Variants in OPA3 observed in about 807,000 individuals in gnomAD.
OPA3 encodes the protein optic atrophy 3 protein.
Under a neutral mutation model 4.0 loss-of-function variants are expected in OPA3, and 6 were observed. That is an observed-to-expected ratio of 1.51 (90% confidence interval 0.83 to 2.99). The LOEUF is 2.99. OPA3 is among the 30% of genes most tolerant of loss of function. The pLI is 0.00. For synonymous variants in OPA3, 105 were observed against 117.1 expected (o/e 0.90, Z 0.67); for missense variants, 235 against 256.2 (o/e 0.92, Z 0.56).
At chr19:45,573,721 A>T (rs548382247) in intron 1 of OPA3, among the ~76,000 whole-genome samples, 1 of 152,314 alleles carries the variant, frequency 6.6e-6, no homozygotes, top group East Asian at 1.9e-4. Flanking sequence ...CTGAGGGAAC[A>T]TCAGAACTAT....
At chr19:45,570,709 CA>C (rs1258265778) in intron 1 of OPA3, among the ~76,000 whole-genome samples, 4 of 146,240 alleles carry the variant, frequency 2.7e-5, no homozygotes. Flanking sequence ...AAAAACAAAA[CA>C]AAATTAGCCG....
chr19:45,564,326 A>AG (rs1969549842), intron 1 of OPA3, among the ~76,000 whole-genome samples: 2 of 14,050 alleles, frequency 1.4e-4, no homozygotes, highest in African/African-American at 4.3e-4. Context: ...AGAAGGGGAG[A>AG]GGGGGAAAGG....
intron 1 of OPA3, among the ~76,000 whole-genome samples, chr19:45,538,296 C>T (rs1169821755): frequency 1.3e-5 from 2 of 151,984 alleles, no homozygotes; most frequent in Non-Finnish European, 2.9e-5. Flanking sequence ...TGGTGTATGC[C>T]TGTGGTCCCA....
chr19:45,529,794 A>C (rs1180952000), intron 1 of OPA3, among the ~76,000 whole-genome samples: 2 of 152,122 alleles, frequency 1.3e-5, no homozygotes, highest in African/African-American at 2.4e-5. Flanking sequence ...GCAGTGCCGA[A>C]ATCACAGCTT....
In OPA3 at chr19:45,546,373, CAT is replaced by C. The variant is rs1278719189; in HGVS notation, c.*7139_*7140del. On this transcript the variant is annotated 3_prime_UTR_variant, in exon 2 of 2. Transcript: ENST00000263275. ...ATAGATGATGTTATGTTACACATGA[CAT>C]AAAATATATATTTTATATTCCATTA... The C allele has an allele frequency of 1.6e-6, 1 of 634,990 alleles. No individual in the cohort carries two copies. Among genetic ancestry groups the C allele is most frequent in the Non-Finnish European group, 2.0e-6 (1 of 511,100 alleles). The allele number at this position is 634,990 out of a possible 1,614,324, so 39.3% of individuals were successfully genotyped here.
chr19:45,542,672 T>G (rs1007969331), downstream of OPA3, among the ~76,000 whole-genome samples: 56 of 144,754 alleles, frequency 3.9e-4, no homozygotes, highest in Admixed American at 1.6e-3. Flanking sequence ...TTTGTTTTTT[T>G]TTTTTTTTTT....
chr19:45,560,165 C>G (rs779162181), intron 1 of OPA3, among the ~76,000 whole-genome samples: 2 of 152,092 alleles, frequency 1.3e-5, no homozygotes, highest in Admixed American at 6.6e-5. Context: ...TCCCTGAACT[C>G]TCTCCCTCCA....
Position 45,562,349 on chromosome 19 carries a change from AAAAAAAAAAAAAAAG to A in OPA3, c.143-8453_143-8439del, listed in dbSNP as rs1367582531. ...ATACAGTGAGACTCCATCTCAAAAA[AAAAAAAAAAAAAAAG>A]AAAAGAAAAAGGAAAAAGAAATTCC... On this transcript the variant is annotated intron_variant, in intron 1 of 1. Coordinates refer to ENST00000263275, the MANE Select transcript of OPA3 (RefSeq NM_025136.4). 4.3e-5 allele frequency among the ~76,000 whole-genome samples: 6 copies of A among 139,968 alleles called. No individual in the cohort carries two copies. The South Asian group carries it at 7.0e-4, about 16-fold the overall frequency. 91.8% of individuals were successfully genotyped at this position (139,968 alleles called of 152,430 possible).
At chr19:45,559,397 C>CTTTT (rs71338781) in intron 1 of OPA3, among the ~76,000 whole-genome samples, 102 of 59,906 alleles carry the variant, frequency 1.7e-3, no homozygotes, top group Non-Finnish European at 2.0e-3. Context: ...CTTTTTCTTT[C>CTTTT]TTTTTTTTTT....
chr19:45,577,978 G>A (rs910717750), intron 1 of OPA3, among the ~76,000 whole-genome samples: 6 of 152,218 alleles, frequency 3.9e-5, no homozygotes, highest in African/African-American at 7.2e-5. Context: ...GAGGCCAGGC[G>A]TGGTGGCTCA....
downstream of OPA3, among the ~76,000 whole-genome samples, chr19:45,544,290 AC>A (rs1969218994): frequency 6.6e-6 from 1 of 152,114 alleles, no homozygotes; most frequent in Non-Finnish European, 1.5e-5. Flanking sequence ...GGAGGAAACA[AC>A]CCCAACGTTC....
At chr19:45,561,919 T>C (rs1969508543) in intron 1 of OPA3, among the ~76,000 whole-genome samples, 1 of 150,802 alleles carries the variant, frequency 6.6e-6, no homozygotes, top group Non-Finnish European at 1.5e-5. Flanking sequence ...CACTCCAGCC[T>C]GGGCAACAGA....
At chr19:45,541,754 A>G (rs1159828316), downstream of OPA3, among the ~76,000 whole-genome samples, 3 of 152,098 alleles carry the variant, frequency 2.0e-5, no homozygotes, top group East Asian at 5.8e-4. Flanking sequence ...TTATAGAAAC[A>G]GGGTCTCACT....
intron 1 of OPA3, among the ~76,000 whole-genome samples, chr19:45,569,731 T>G (rs992276723): frequency 3.3e-5 from 5 of 151,820 alleles, no homozygotes; most frequent in Non-Finnish European, 5.9e-5. Flanking sequence ...CGCCCCTCCA[T>G]ACACACACGC....
intron 1 of OPA3, among the ~76,000 whole-genome samples, chr19:45,559,711 T>C (rs1969477302): frequency 1.3e-5 from 2 of 151,976 alleles, no homozygotes. Context: ...CCCCCTCCAT[T>C]TCTCTCTTCC....
chr19:45,584,168 G>A (rs1969896788), intron 1 of OPA3, among the ~76,000 whole-genome samples: 1 of 151,978 alleles, frequency 6.6e-6, no homozygotes, highest in African/African-American at 2.4e-5. Flanking sequence ...CGTCCTAAAC[G>A]GAGGATATAC....
intron 1 of OPA3, among the ~76,000 whole-genome samples, chr19:45,538,500 C>G (rs111987121): frequency 2.1e-4 from 32 of 152,220 alleles, no homozygotes; most frequent in African/African-American, 7.5e-4. Flanking sequence ...GTGGGCAGAT[C>G]ACTTGAGGTC....
chr19:45,581,921 C>A (rs1969860927), intron 1 of OPA3, among the ~76,000 whole-genome samples: 1 of 152,156 alleles, frequency 6.6e-6, no homozygotes, highest in Admixed American at 6.5e-5. Flanking sequence ...GCCTCAGCCT[C>A]CTGAGTAGAT....
In OPA3 at chr19:45,553,462, C is replaced by A; in HGVS notation, c.*52G>T. 1.9e-6 allele frequency: 3 copies of A among 1,608,304 alleles called. No individual in the cohort carries two copies. Among genetic ancestry groups the A allele is most frequent in the Non-Finnish European group, 8.5e-7 (1 of 1,179,776 alleles). On this transcript the variant is annotated 3_prime_UTR_variant, in exon 2 of 2. Coordinates refer to ENST00000263275, the MANE Select transcript of OPA3 (RefSeq NM_025136.4). ...AGGCAAGGGTGGTGCGGGAAGAAGG[C>A]CACGTTAGGTACATAGGCCATGTCC...
Sources: allele counts gnomAD v4.1 joint callset (sites outside exome capture counted in the v4.1 genomes callset), GRCh38; gene constraint gnomAD v4.1.1; transcripts MANE v1.5; gene names NCBI Gene and HGNC (gene_info 2026-07-23, HGNC 2026-07-21).